Variants in PHACTR4 observed in about 807,000 individuals in gnomAD.
PHACTR4 encodes protein phosphatase 1, regulatory subunit 124.
A neutral mutation model predicts 72.7 loss-of-function variants in PHACTR4; 51 were observed. The observed-to-expected ratio is 0.70, with a 90% CI of 0.56 to 0.89. PHACTR4 has a LOEUF of 0.89. Among genes scored for constraint, PHACTR4 ranks in the 40% least tolerant of loss-of-function variants. The probability of loss-of-function intolerance (pLI) is 0.00; values close to 1 mark genes in which losing one functional copy is unlikely to be tolerated. For missense variants in PHACTR4, 731 were observed against 861.8 expected (o/e 0.85, Z 1.90); for synonymous variants, 255 against 302.5 (o/e 0.84, Z 1.63).
chr1:28,370,770 A>G (rs1315420488), intron 1 of PHACTR4, among the ~76,000 whole-genome samples: 1 of 152,188 alleles, frequency 6.6e-6, no homozygotes, highest in Admixed American at 6.6e-5. Context: ...AGTGGCTTCT[A>G]GAAGTCACTT....
At position 28,473,726 on chromosome 1, in the gene PHACTR4, G is replaced by T; in HGVS notation, c.996G>T (p.Ser332=). Residue 332 remains serine, a synonymous_variant, in exon 7 of 14, where the codon TCG becomes TCT. Coordinates refer to ENST00000373839, the MANE Select transcript of PHACTR4 (RefSeq NM_001048183.3). ...AGAAGAGCACGTGTTCTATGGGCTC[G>T]GAACTACTACCAATGATCTCACCTC... ...EREKSTCSMG[S]ELLPMISPRS... is the part of the protein sequence containing the mutation. The T allele has an allele frequency of 6.2e-7, 1 of 1,613,994 alleles. No individual in the cohort carries two copies. The highest frequency in any genetic ancestry group is 8.5e-7 in the Non-Finnish European group (1 of 1,180,002).
rs1570136076 is a variant in PHACTR4, at chr1:28,498,022, A to C, written c.*1473A>C. On this transcript the variant is annotated 3_prime_UTR_variant, in exon 14 of 14. Coordinates refer to ENST00000373839, the MANE Select transcript of PHACTR4 (RefSeq NM_001048183.3). ...AAAAAAAAAAAAAAGCCTTAATATTAATGCTAACGTGGCAGAAAACTAGCA... is the reference window on the plus strand; with the variant it reads ...AAAAAAAAAAAAAAGCCTTAATATTCATGCTAACGTGGCAGAAAACTAGCA... The C allele has an allele frequency of 6.6e-6, 1 of 151,612 alleles. No individual in the cohort carries two copies. Among genetic ancestry groups the C allele is most frequent in the African/African-American group, 2.4e-5 (1 of 41,194 alleles). The allele number at this position is 151,612 out of a possible 1,614,324, so 9.4% of individuals were successfully genotyped here.
chr1:28,473,521 C>T (rs1192170783), intron 6 of PHACTR4, 33 bp from the exon 7 acceptor site: 2 of 1,500,188 alleles, frequency 1.3e-6, no homozygotes, highest in Admixed American at 1.8e-5. Context: ...ATTGGAAAGT[C>T]GTGAAATTGA....
At position 28,496,720 on chromosome 1, in the gene PHACTR4, T is replaced by C; in HGVS notation, c.*171T>C. 2.7e-6 allele frequency: 2 copies of C among 742,462 alleles called. No individual in the cohort carries two copies. Among genetic ancestry groups the C allele is most frequent in the South Asian group, 1.6e-5 (1 of 62,206 alleles). The allele number at this position is 742,462 out of a possible 1,614,324, so 46.0% of individuals were successfully genotyped here. On this transcript the variant is annotated 3_prime_UTR_variant, in exon 14 of 14. Transcript: ENST00000373839. The stretch of plus-strand genomic sequence containing the variant: ...CATTTCACTGGAACAGAGTCTTATG[T>C]GCTGCACCGGGGGCAAAACAACACT...
At chr1:28,434,850 G>A (rs933031176) in intron 2 of PHACTR4, among the ~76,000 whole-genome samples, 9 of 152,072 alleles carry the variant, frequency 5.9e-5, no homozygotes, top group Non-Finnish European at 1.2e-4. Flanking sequence ...TTGGCAGGTC[G>A]TTTTTATTTT....
At chr1:28,454,196 T>A (rs1241885588) in intron 2 of PHACTR4, among the ~76,000 whole-genome samples, 3 of 151,732 alleles carry the variant, frequency 2.0e-5, no homozygotes, top group African/African-American at 7.3e-5. Context: ...TAACTCTAAA[T>A]TTGTATATAC....
chr1:28,421,160 T>C (rs1655483236), intron 2 of PHACTR4, among the ~76,000 whole-genome samples: 1 of 152,144 alleles, frequency 6.6e-6, no homozygotes, highest in Non-Finnish European at 1.5e-5. Flanking sequence ...AAAATGACCT[T>C]TCATGATCAG....
intron 2 of PHACTR4, chr1:28,438,456 G>GAAA (rs1243387670): frequency 3.7e-6 from 6 of 1,611,258 alleles, no homozygotes; most frequent in Admixed American, 1.7e-5. Context: ...CAGAGAAACA[G>GAAA]AAAATCTTGA....
intron 2 of PHACTR4, among the ~76,000 whole-genome samples, chr1:28,440,033 G>A (rs1656888922): frequency 6.6e-6 from 1 of 152,114 alleles, no homozygotes; most frequent in African/African-American, 2.4e-5. Flanking sequence ...CGGGCGCGGT[G>A]GCTCACGCCT....
intron 2 of PHACTR4, among the ~76,000 whole-genome samples, chr1:28,452,964 C>T (rs549698742): frequency 4.0e-4 from 61 of 151,952 alleles, no homozygotes; most frequent in Non-Finnish European, 7.9e-4. Context: ...ACTAAAAATA[C>T]AAAAGTTAGC....
chr1:28,413,802 C>T (rs1654927488), intron 2 of PHACTR4, among the ~76,000 whole-genome samples: 1 of 152,032 alleles, frequency 6.6e-6, no homozygotes, highest in South Asian at 2.1e-4. Context: ...TAATAATTAA[C>T]TGTCTGCTGA....
At chr1:28,464,322 G>A (rs1329449504) in intron 4 of PHACTR4, among the ~76,000 whole-genome samples, 1 of 152,162 alleles carries the variant, frequency 6.6e-6, no homozygotes, top group Non-Finnish European at 1.5e-5. Context: ...CTAGTTGCCA[G>A]TGCCCCAAAC....
At chr1:28,479,585 A>G (rs552459143) in intron 8 of PHACTR4, among the ~76,000 whole-genome samples, 1,501 of 115,568 alleles carry the variant, frequency 0.013, 21 homozygotes, top group African/African-American at 0.063. Context: ...TCCGCCTCAG[A>G]AAAAAAAAAA....
At chr1:28,496,089 CT>C (rs1468537539) in intron 13 of PHACTR4, among the ~76,000 whole-genome samples, 4 of 133,678 alleles carry the variant, frequency 3.0e-5, no homozygotes, top group Non-Finnish European at 6.1e-5. Flanking sequence ...CGGAGTCTCG[CT>C]GTGTCACCCA....
chr1:28,489,691 T>C, intron 10 of PHACTR4: 1 of 488,606 alleles, frequency 2.0e-6, no homozygotes, highest in South Asian at 1.5e-5. Context: ...AATGGGACCA[T>C]ATATTTAATT....
chr1:28,374,099 C>G (rs1265062797), intron 1 of PHACTR4, among the ~76,000 whole-genome samples: 1 of 152,170 alleles, frequency 6.6e-6, no homozygotes, highest in African/African-American at 2.4e-5. Context: ...TTATATTGAA[C>G]ATTGGTCCCA....
At chr1:28,446,936 A>G (rs1022077985) in intron 2 of PHACTR4, among the ~76,000 whole-genome samples, 2 of 152,108 alleles carry the variant, frequency 1.3e-5, no homozygotes, top group East Asian at 3.9e-4. Context: ...CTTCCTATAC[A>G]GACTGCAGAA....
At chr1:28,463,218 G>A (rs565103535) in intron 4 of PHACTR4, among the ~76,000 whole-genome samples, 2 of 152,080 alleles carry the variant, frequency 1.3e-5, no homozygotes, top group Non-Finnish European at 1.5e-5. Context: ...AAAAAAGGTG[G>A]CTTTTGGCTT....
intron 2 of PHACTR4, among the ~76,000 whole-genome samples, chr1:28,430,158 G>A (rs1186520529): frequency 6.6e-6 from 1 of 152,072 alleles, no homozygotes; most frequent in Non-Finnish European, 1.5e-5. Flanking sequence ...GAGTAGCTGG[G>A]ACTACAGGCA....
Sources: gnomAD v4.1 joint callset for allele counts (sites outside exome capture counted in the v4.1 genomes callset) on GRCh38, gnomAD v4.1.1 for gene constraint, MANE v1.5 for transcripts, NCBI Gene and HGNC (gene_info 2026-07-23, HGNC 2026-07-21) for gene names.